NSMAF: variants seen among roughly 807,000 people sequenced by gnomAD.
NSMAF encodes the protein neutral sphingomyelinase activation associated factor, also known as protein FAN.
A neutral mutation model predicts 134.9 loss-of-function variants in NSMAF; 90 were observed. The observed-to-expected ratio is 0.67, with a 90% CI of 0.56 to 0.79. NSMAF has a LOEUF of 0.79. Among genes scored for constraint, NSMAF ranks in the 30% least tolerant of loss-of-function variants. The pLI is 0.00. For missense variants in NSMAF, 1,010 were observed against 1,119.0 expected, an observed-to-expected ratio of 0.90 and a Z score of 1.39; for synonymous variants, 358 against 389.6, an observed-to-expected ratio of 0.92 and a Z score of 0.96.
rs1806175774 is a variant in NSMAF, at chr8:58,597,891, G to C, written c.1597C>G (p.Leu533Val). 6.2e-7 allele frequency: 1 copy of C among 1,606,058 alleles called. No homozygotes were observed. Among genetic ancestry groups the C allele is most frequent in the Non-Finnish European group, 8.5e-7 (1 of 1,172,848 alleles). The change falls in exon 20 of 31, where the codon CTG becomes GTG. Residue 533 changes from leucine to valine, a missense_variant. By Grantham distance (32) the Leu-to-Val change is conservative (BLOSUM62 1). Coordinates refer to ENST00000038176, the MANE Select transcript of NSMAF (RefSeq NM_003580.4). ...AVGAHNVFHP[L>V]TYEGGVDLNS... ...AAGTCTACACCTCCTTCATAGGTCA[G>C]GGGATGAAATACTGAAAAAGACATA...
intron 27 of NSMAF, among the ~76,000 whole-genome samples, chr8:58,587,273 T>C (rs1805906968): frequency 6.6e-6 from 1 of 152,154 alleles, no homozygotes; most frequent in African/African-American, 2.4e-5. Flanking sequence ...AGCTTCTGGA[T>C]CAGAAAACAT....
intron 5 of NSMAF, among the ~76,000 whole-genome samples, chr8:58,633,094 T>G (rs1458749134): frequency 6.6e-6 from 1 of 152,196 alleles, no homozygotes; most frequent in Non-Finnish European, 1.5e-5. Context: ...CAGAGAGACT[T>G]ACATACAAAT....
rs1236726817 is a variant in NSMAF at position 58,594,302 on chromosome 8, C to CA, written c.1893-13dup. The CA allele has an allele frequency of 6.2e-7, 1 of 1,611,006 alleles. No individual in the cohort carries two copies. The highest frequency in any genetic ancestry group is 8.5e-7 in the Non-Finnish European group (1 of 1,177,250). On this transcript the variant is annotated splice_polypyrimidine_tract_variant and intron_variant, in intron 22 of 30. Coordinates refer to ENST00000038176, the MANE Select transcript of NSMAF (RefSeq NM_003580.4). ...TTCCAGTAACTGCTCTGCTCAAAAACAAAGTTTCACAAATTACTACTCATC... is the reference window on the plus strand; with the variant it reads ...TTCCAGTAACTGCTCTGCTCAAAAACAAAAGTTTCACAAATTACTACTCATC...
chr8:58,638,275 T>A (rs1486440565), intron 2 of NSMAF, among the ~76,000 whole-genome samples: 1 of 152,070 alleles, frequency 6.6e-6, no homozygotes. Context: ...CAACTCCTGG[T>A]CTCAAGTGAT....
intron 6 of NSMAF, among the ~76,000 whole-genome samples, chr8:58,631,207 C>T (rs1382901399): frequency 6.6e-6 from 1 of 151,804 alleles, no homozygotes; most frequent in African/African-American, 2.4e-5. Context: ...TTCTCAGTAA[C>T]ACCCAGTAAA....
rs113997754 is a variant in NSMAF, at chr8:58,601,419, T to C, written c.1216+26A>G. ...AAGAATACAGTGAAATAAAATTTAA[T>C]TGGGGGTAATGATAAAGAATCTTAC... On this transcript the variant is annotated intron_variant, in intron 15 of 30. Transcript: ENST00000038176. 11 of 1,612,024 alleles carry C rather than the reference T, an allele frequency of 6.8e-6. No individual in the cohort carries two copies. In the African/African-American group the frequency reaches 8.0e-5, roughly 12 times the overall value.
chr8:58,646,881 G>A (rs1275159308), intron 1 of NSMAF, among the ~76,000 whole-genome samples: 1 of 152,148 alleles, frequency 6.6e-6, no homozygotes, highest in African/African-American at 2.4e-5. Flanking sequence ...ACAGAGGTGT[G>A]GTTTCATTCT....
intron 10 of NSMAF, among the ~76,000 whole-genome samples, chr8:58,609,370 A>C (rs1806475256): frequency 6.6e-6 from 1 of 152,228 alleles, no homozygotes; most frequent in African/African-American, 2.4e-5. Flanking sequence ...CACCACACTG[A>C]GAGCAAGTGC....
intron 6 of NSMAF, among the ~76,000 whole-genome samples, chr8:58,628,535 T>C (rs1806987899): frequency 6.6e-6 from 1 of 152,214 alleles, no homozygotes; most frequent in Admixed American, 6.5e-5. Flanking sequence ...GGGGTTTTTA[T>C]ACTTTTGTCT....
In NSMAF at chr8:58,599,988, A is replaced by G; in HGVS notation, c.1314T>C (p.Gly438=). The G allele has an allele frequency of 6.2e-7, 1 of 1,614,020 alleles. No individual in the cohort carries two copies. The part of the protein sequence containing the change: ...IAETWKNCLD[G]ATDFKELIPE... ...TGCTTACCTCTTTAAAATCCGTTGCACCATCCAGACAGTTTTTCCAAGTTT... is the reference window on the plus strand; with the variant it reads ...TGCTTACCTCTTTAAAATCCGTTGCGCCATCCAGACAGTTTTTCCAAGTTT... Residue 438 remains glycine (G), a synonymous_variant, in exon 17 of 31, where the codon GGT becomes GGC. Coordinates refer to ENST00000038176, the MANE Select transcript of NSMAF (RefSeq NM_003580.4).
At position 58,616,629 on chromosome 8, in the gene NSMAF, C is replaced by T. The variant is rs542925524; in HGVS notation, c.557+6591G>A. Among the ~76,000 whole-genome samples the T allele has an allele frequency of 3.5e-3, 536 of 152,140 alleles. 7 individuals carry two copies. Among genetic ancestry groups the T allele is most frequent in the Non-Finnish European group, 5.3e-3 (363 of 67,962 alleles). On this transcript the variant is annotated intron_variant, in intron 9 of 30. Transcript: ENST00000038176. ...TCTGTTAAAGGGCAGCTATGAAAAA[C>T]CTACAGCTAACATCATCTTTGAATG...
chr8:58,651,336 G>C (rs76775419), intron 1 of NSMAF, among the ~76,000 whole-genome samples: 2,046 of 152,284 alleles, frequency 0.013, 50 homozygotes, highest in African/African-American at 0.046. Flanking sequence ...CTCCCAGAAA[G>C]AGTTCTCATG....
intron 1 of NSMAF, among the ~76,000 whole-genome samples, chr8:58,645,428 A>G (rs1807423578): frequency 6.6e-6 from 1 of 152,202 alleles, no homozygotes; most frequent in African/African-American, 2.4e-5. Flanking sequence ...TCCAGGCAGG[A>G]GTCTGGTACA....
At chr8:58,584,357 A>AT (rs1284064288) in intron 30 of NSMAF, among the ~76,000 whole-genome samples, 157 bp from the exon 31 acceptor site, 1 of 152,246 alleles carries the variant, frequency 6.6e-6, no homozygotes, top group African/African-American at 2.4e-5. Flanking sequence ...AAACCCTTGA[A>AT]TAAATTAAAA....
At position 58,597,606 on chromosome 8, in the gene NSMAF, G is replaced by C. The variant is rs1250359456; in HGVS notation, c.1629-56C>G. On this transcript the variant is annotated intron_variant, in intron 20 of 30. Coordinates refer to ENST00000038176, the MANE Select transcript of NSMAF (RefSeq NM_003580.4). ...ACCACTAGGTTCGAGTTCCTTGAAA[G>C]CACGCATTTCAAATAGTACTGATCA... The C allele has an allele frequency of 1.1e-5, 16 of 1,515,990 alleles. No individual in the cohort carries two copies. In the Admixed American group the frequency reaches 2.6e-4, roughly 24 times the overall value. The allele number at this position is 1,515,990 out of a possible 1,614,324, so 93.9% of individuals were successfully genotyped here.
chr8:58,590,911 T>C lies in NSMAF; in HGVS notation c.1975A>G (p.Lys659Glu), dbSNP rs1563523373. The C allele has an allele frequency of 6.4e-7, 1 of 1,570,126 alleles. No homozygotes were observed. Among genetic ancestry groups the C allele is most frequent in the Non-Finnish European group, 8.7e-7 (1 of 1,147,488 alleles). ...SQDSTLKMFS[K>E]ESKMLQRSIS... is the part of the protein sequence containing the mutation. Reference sequence around the variant, plus strand: ...CTTCTTTGTAGCATTTTTGATTCTTTAGAAAACATCTTCAAGGTGGAATCT... The same window carrying C: ...CTTCTTTGTAGCATTTTTGATTCTTCAGAAAACATCTTCAAGGTGGAATCT... Residue 659 changes from lysine to glutamate, a missense_variant, in exon 24 of 31, where the codon AAA becomes GAA. By Grantham distance (56) the Lys-to-Glu change is moderately conservative (BLOSUM62 1). Transcript: ENST00000038176.
chr8:58,588,561 A>C, intron 26 of NSMAF: 2 of 1,253,696 alleles, frequency 1.6e-6, no homozygotes, highest in African/African-American at 2.8e-5. Context: ...GTAGCTTCAC[A>C]TACAGCTTGG....
At chr8:58,623,827 G>A (rs746126811) in intron 6 of NSMAF, 47 bp from the exon 7 acceptor site, 1 of 1,439,776 alleles carries the variant, frequency 6.9e-7, no homozygotes, top group Non-Finnish European at 9.8e-7. Flanking sequence ...GAAGAAGTGT[G>A]CCAAACTATG....
intron 9 of NSMAF, among the ~76,000 whole-genome samples, chr8:58,616,406 T>C (rs1806654388): frequency 6.6e-6 from 1 of 152,102 alleles, no homozygotes; most frequent in African/African-American, 2.4e-5. Context: ...AGATATCATG[T>C]TCCCAAATTA....
Sources: allele counts gnomAD v4.1 joint callset (sites outside exome capture counted in the v4.1 genomes callset), GRCh38; gene constraint gnomAD v4.1.1; transcripts MANE v1.5; gene names NCBI Gene and HGNC (gene_info 2026-07-23, HGNC 2026-07-21).